Variants in CLCA2 observed in about 807,000 individuals in gnomAD.
CLCA2 encodes the protein chloride channel accessory 2.
A neutral mutation model predicts 82.9 loss-of-function variants in CLCA2; 85 were observed. That is an observed-to-expected ratio of 1.03 (90% CI 0.86 to 1.23). The LOEUF is 1.23. Among genes scored for constraint, CLCA2 ranks in the 50% most tolerant of loss-of-function variants. CLCA2 has a pLI of 0.00. For missense variants in CLCA2, 1,089 were observed against 1,124.8 expected (o/e 0.97, Z 0.45); for synonymous variants, 421 against 391.7 (o/e 1.07, Z -0.88).
intron 9 of CLCA2, among the ~76,000 whole-genome samples, chr1:86,441,758 G>C (rs1158724476): frequency 6.6e-6 from 1 of 152,242 alleles, no homozygotes; most frequent in African/African-American, 2.4e-5. Context: ...GCTTTTCAAA[G>C]TCTGCGAGTG....
In CLCA2 at chr1:86,453,492, A is replaced by C; in HGVS notation, c.2279A>C (p.His760Pro). The C allele has an allele frequency of 1.2e-6, 2 of 1,614,100 alleles. No homozygotes were observed. The highest frequency in any genetic ancestry group is 2.2e-5 in the South Asian group (2 of 91,078). ...GTGCTGGGAGTTCCAGCTGGCCCCC[A>C]CCCTGATGTGTTTCCACCATGCAAA... The part of the protein sequence containing the change: ...FSVLGVPAGP[H>P]PDVFPPCKII... The change falls in exon 13 of 14, where the codon CAC becomes CCC. Residue 760 changes from histidine to proline, a missense_variant. Transcript: ENST00000370565.
At position 86,441,477 on chromosome 1, in the gene CLCA2, T is replaced by C; in HGVS notation, c.1422T>C (p.Asn474=). 4 of 1,611,858 alleles carry C rather than the reference T, an allele frequency of 2.5e-6. No individual in the cohort carries two copies. Among genetic ancestry groups the C allele is most frequent in the Non-Finnish European group, 3.4e-6 (4 of 1,178,296 alleles). Residue 474 remains asparagine (N), a synonymous_variant, in exon 9 of 14, where the codon AAT becomes AAC. Transcript: ENST00000370565. ...KFFVPDISNS[N]SMIDAFSRIS... The stretch of plus-strand genomic sequence containing the variant: ...TTGTTCCAGATATATCAAACTCCAA[T>C]AGCATGATTGATGCTTTCAGTAGAA...
rs1662884979 is a variant in CLCA2 at position 86,447,745 on chromosome 1, C to A, written c.1951C>A (p.Pro651Thr). The A allele has an allele frequency of 4.3e-6, 7 of 1,613,654 alleles. No individual in the cohort carries two copies. Among genetic ancestry groups the A allele is most frequent in the Non-Finnish European group, 5.9e-6 (7 of 1,179,978 alleles). The change falls in exon 11 of 14, where the codon CCT becomes ACT. Residue 651 changes from proline (P) to threonine (T), a missense_variant. Transcript: ENST00000370565. Reference sequence around the variant, plus strand: ...CACAGTTGAGCCAGAGACTGGAGATCCTGTTACGCTGAGACTCCTTGATGA... The same window carrying A: ...CACAGTTGAGCCAGAGACTGGAGATACTGTTACGCTGAGACTCCTTGATGA... ...TATVEPETGD[P>T]VTLRLLDDGA...
intron 12 of CLCA2, among the ~76,000 whole-genome samples, 164 bp from the exon 13 acceptor site, chr1:86,453,205 A>G (rs1299018137): frequency 6.6e-6 from 1 of 152,210 alleles, no homozygotes; most frequent in Non-Finnish European, 1.5e-5. Context: ...TACTGAGTGA[A>G]TAAATGGATG....
rs765740549 is a variant in CLCA2 at position 86,450,218 on chromosome 1, G to C, written c.1985-345G>C. ...ATAGCTTTTATTCATATCTCAAAAG[G>C]GTCAATGACTATAAGCAACCTGAAG... On this transcript the variant is annotated intron_variant, in intron 11 of 13. Transcript: ENST00000370565. 1.9e-3 allele frequency among the ~76,000 whole-genome samples: 286 copies of C among 151,944 alleles called. 3 individuals carry two copies. Among genetic ancestry groups the C allele is most frequent in the Admixed American group, 0.012 (188 of 15,240 alleles).
chr1:86,435,805 A>G (rs532890269), intron 6 of CLCA2, among the ~76,000 whole-genome samples: 72 of 152,186 alleles, frequency 4.7e-4, no homozygotes, highest in Non-Finnish European at 7.9e-4. Context: ...GAAATACTCA[A>G]AACTCATCAC....
intron 9 of CLCA2, among the ~76,000 whole-genome samples, chr1:86,443,080 G>A (rs1461079236): frequency 1.3e-5 from 2 of 151,286 alleles, no homozygotes; most frequent in Non-Finnish European, 2.9e-5. Context: ...AGGCTGGAGT[G>A]CAGTGGCGCG....
At position 86,434,502 on chromosome 1, in the gene CLCA2, C is replaced by A. The variant is rs758705693; in HGVS notation, c.745-16C>A. 1.9e-6 allele frequency: 3 copies of A among 1,605,316 alleles called. No individual in the cohort carries two copies. In the South Asian group the frequency reaches 3.3e-5, roughly 18 times the overall value. ...GAGAAGTGCCTCTCTTTATTAAAGA[C>A]TGTTTTTATTTCCAGGTGGTTGAAT... On this transcript the variant is annotated splice_polypyrimidine_tract_variant and intron_variant, in intron 5 of 13. Transcript: ENST00000370565.
Position 86,443,797 on chromosome 1 carries a change from C to T in CLCA2, c.1499C>T (p.Thr500Ile). ...IFQQHIQLES[T>I]GENVKPHHQL... ...TCTTCTCTTTAACAGCTTGAAAGTA[C>T]AGGTGAAAATGTCAAACCTCACCAT... Residue 500 changes from threonine (T) to isoleucine (I), a missense_variant, in exon 10 of 14, where the codon ACA (threonine) becomes ATA (isoleucine). Thr to Ile is a moderately conservative substitution (Grantham distance 89). Transcript: ENST00000370565. The T allele has an allele frequency of 6.2e-7, 1 of 1,612,760 alleles. No individual in the cohort carries two copies. Among genetic ancestry groups the T allele is most frequent in the Non-Finnish European group, 8.5e-7 (1 of 1,178,952 alleles).
chr1:86,439,410 A>G (rs1347998812), intron 7 of CLCA2, among the ~76,000 whole-genome samples: 1 of 152,192 alleles, frequency 6.6e-6, no homozygotes, highest in Non-Finnish European at 1.5e-5. Flanking sequence ...CATTTTCTAA[A>G]CTGTTCCTAG....
intron 10 of CLCA2, 78 bp downstream of exon 10, chr1:86,444,089 C>T (rs748867991): frequency 2.5e-5 from 23 of 920,298 alleles, no homozygotes; most frequent in Admixed American, 4.2e-5. Context: ...TGATTAAATG[C>T]ATTGTGTAAA....
Position 86,425,325 on chromosome 1 carries a change from T to A in CLCA2, c.187-14T>A, listed in dbSNP as rs1036156349. On this transcript the variant is annotated splice_polypyrimidine_tract_variant and intron_variant, in intron 1 of 13. Transcript: ENST00000370565. ...ACAAGTGGTAAAGTAAGTTTTTCTT[T>A]TGTCTGGCTGTAGGAAATGATAACT... is the stretch of plus-strand genomic sequence containing the variant. The A allele has an allele frequency of 6.5e-7, 1 of 1,537,792 alleles. No individual in the cohort carries two copies.
chr1:86,443,401 A>T lies in CLCA2; in HGVS notation c.1489-386A>T, dbSNP rs1245011025. ...ATTTCTTATCGAAATATATAAAAGG[A>T]TCTGGACAGATTATATACAAATTAA... On this transcript the variant is annotated intron_variant, in intron 9 of 13. Transcript: ENST00000370565. 5.3e-5 allele frequency among the ~76,000 whole-genome samples: 8 copies of T among 152,326 alleles called. No individual in the cohort carries two copies. In the East Asian group the frequency reaches 1.3e-3, roughly 26 times the overall value.
intron 2 of CLCA2, among the ~76,000 whole-genome samples, chr1:86,428,112 A>T (rs1570251246): frequency 6.6e-6 from 1 of 152,296 alleles, no homozygotes; most frequent in Non-Finnish European, 1.5e-5. Context: ...TTTTGAGAAT[A>T]TTTTAATCTG....
chr1:86,429,451 A>G (rs545034918), intron 3 of CLCA2, among the ~76,000 whole-genome samples: 59 of 152,316 alleles, frequency 3.9e-4, no homozygotes, highest in African/African-American at 1.3e-3. Flanking sequence ...AGACATGGAA[A>G]AAACCAGCTT....
intron 10 of CLCA2, 93 bp from the exon 11 acceptor site, chr1:86,447,413 CAA>C (rs1662873886): frequency 7.3e-7 from 1 of 1,365,536 alleles, no homozygotes; most frequent in Non-Finnish European, 1.0e-6. Context: ...ATCAACAAAA[CAA>C]GAGCAAAATT....
At chr1:86,434,806 A>T (rs973415105) in intron 6 of CLCA2, 61 bp downstream of exon 6, 2 of 1,357,060 alleles carry the variant, frequency 1.5e-6, no homozygotes, top group Non-Finnish European at 2.1e-6. Context: ...GTTCTTTATT[A>T]TCTCAATTTA....
At position 86,456,151 on chromosome 1, in the gene CLCA2, A is replaced by T. The variant is rs998603373; in HGVS notation, c.*624A>T. ...CCGGTTTTATGACAAAGGTCTATTGAATTTATTTGTTTGTAAGTTTCTACT... is the reference window on the plus strand; with the variant it reads ...CCGGTTTTATGACAAAGGTCTATTGTATTTATTTGTTTGTAAGTTTCTACT... On this transcript the variant is annotated 3_prime_UTR_variant, in exon 14 of 14. Transcript: ENST00000370565. 6.6e-6 allele frequency: 1 copy of T among 152,140 alleles called. No homozygotes were observed. Among genetic ancestry groups the T allele is most frequent in the Non-Finnish European group, 1.5e-5 (1 of 68,000 alleles). The allele number at this position is 152,140 out of a possible 1,614,324, so 9.4% of individuals were successfully genotyped here. A position where few individuals can be genotyped will look rare whatever the true frequency, so the allele number is the denominator to read the frequency against.
chr1:86,451,347 C>T (rs1367334083), intron 12 of CLCA2, among the ~76,000 whole-genome samples: 1 of 152,108 alleles, frequency 6.6e-6, no homozygotes, highest in Non-Finnish European at 1.5e-5. Context: ...TCTTTGAAAA[C>T]AATCTCAAAA....
Sources: allele counts gnomAD v4.1 joint callset (sites outside exome capture counted in the v4.1 genomes callset), GRCh38; gene constraint gnomAD v4.1.1; transcripts MANE v1.5; gene names NCBI Gene and HGNC (gene_info 2026-07-23, HGNC 2026-07-21).